LRP1B: variants seen among roughly 807,000 people sequenced by gnomAD.
The protein encoded by LRP1B is LDL receptor related protein 1B.
LRP1B carries 217 observed loss-of-function variants against 556.6 expected under a neutral mutation model. The ratio of observed to expected loss-of-function variants is 0.39; its 90% CI spans 0.35 to 0.44. The LOEUF (loss-of-function observed/expected upper bound fraction) is 0.44. Ranked by LOEUF, LRP1B falls within the 20% of genes least tolerant of loss-of-function variation. LRP1B has a pLI of 1.00. For synonymous variants in LRP1B, 2,047 were observed against 1,865.8 expected (o/e 1.10, Z -2.50); for missense variants, 5,053 against 5,620.8 (o/e 0.90, Z 3.23).
At chr2:141,906,206 T>G (rs1321563136) in intron 1 of LRP1B, among the ~76,000 whole-genome samples, 1 of 151,824 alleles carries the variant, frequency 6.6e-6, no homozygotes, top group African/African-American at 2.4e-5. Flanking sequence ...TAAAATAATT[T>G]TTTTAAAAAG....
chr2:140,361,858 T>C (rs181299068), intron 72 of LRP1B, among the ~76,000 whole-genome samples: 51 of 151,736 alleles, frequency 3.4e-4, no homozygotes, highest in African/African-American at 1.2e-3. Context: ...GATTCAAGCA[T>C]CTAATGCCTA....
At chr2:141,771,565 T>C (rs901529733) in intron 2 of LRP1B, among the ~76,000 whole-genome samples, 1 of 152,224 alleles carries the variant, frequency 6.6e-6, no homozygotes, top group African/African-American at 2.4e-5. Context: ...TTGTTTACTT[T>C]AGAAGGAGGT....
In LRP1B at chr2:141,818,857, T is replaced by C. The variant is rs113603029; in HGVS notation, c.83-8456A>G. Among the ~76,000 whole-genome samples, 1,021 of 151,848 alleles carry C rather than the reference T, an allele frequency of 6.7e-3. 10 individuals are homozygous for C. Among genetic ancestry groups the C allele is most frequent in the Non-Finnish European group, 9.5e-3 (647 of 67,924 alleles). The stretch of plus-strand genomic sequence containing the variant: ...GGATAACATTTCTGTATCTTTACTG[T>C]TATATTCCTTTGCTTGGGATGCCCT... On this transcript the variant is annotated intron_variant, in intron 1 of 90. Transcript: ENST00000389484.
At chr2:141,704,991 CT>C (rs1053444805) in intron 2 of LRP1B, among the ~76,000 whole-genome samples, 1 of 151,958 alleles carries the variant, frequency 6.6e-6, no homozygotes, top group Non-Finnish European at 1.5e-5. Flanking sequence ...AAGGTTAATA[CT>C]TTTTTTGAGA....
At chr2:140,261,980 T>C (rs1681963181) in intron 86 of LRP1B, among the ~76,000 whole-genome samples, 1 of 152,070 alleles carries the variant, frequency 6.6e-6, no homozygotes. Context: ...ATACTTTATA[T>C]TATTCTCTGT....
intron 2 of LRP1B, among the ~76,000 whole-genome samples, chr2:141,608,317 A>T (rs977558233): frequency 4.6e-5 from 7 of 152,244 alleles, no homozygotes; most frequent in Non-Finnish European, 1.0e-4. Context: ...AAGCATTTCA[A>T]AAACTAGAGC....
chr2:140,491,961 G>A (rs550341140), intron 57 of LRP1B, among the ~76,000 whole-genome samples: 9 of 152,130 alleles, frequency 5.9e-5, no homozygotes, highest in East Asian at 1.9e-4. Context: ...TGGAGAGCAG[G>A]GCTCTCTATC....
At chr2:142,123,276 T>C (rs1051817145) in intron 1 of LRP1B, among the ~76,000 whole-genome samples, 6 of 152,024 alleles carry the variant, frequency 3.9e-5, no homozygotes, top group African/African-American at 1.4e-4. Flanking sequence ...TGACAAATCG[T>C]CATTAAAGAA....
chr2:141,475,207 T>C (rs1472978917), intron 3 of LRP1B, among the ~76,000 whole-genome samples: 7 of 152,012 alleles, frequency 4.6e-5, no homozygotes, highest in African/African-American at 1.5e-4. Flanking sequence ...ACCCCCTCTA[T>C]ACTAAAAATA....
intron 2 of LRP1B, among the ~76,000 whole-genome samples, chr2:141,789,944 A>G (rs2105659233): frequency 6.6e-6 from 1 of 152,082 alleles, no homozygotes; most frequent in Admixed American, 6.6e-5. Context: ...ATGTTACATT[A>G]TAGCTTCAAG....
At chr2:141,984,913 T>A (rs1305206331) in intron 1 of LRP1B, among the ~76,000 whole-genome samples, 1 of 152,194 alleles carries the variant, frequency 6.6e-6, no homozygotes, top group East Asian at 1.9e-4. Context: ...TACTAAAGCA[T>A]CTTACTTGAT....
chr2:141,703,153 C>T (rs1553450781), intron 2 of LRP1B, among the ~76,000 whole-genome samples: 1 of 151,870 alleles, frequency 6.6e-6, no homozygotes, highest in East Asian at 1.9e-4. Context: ...GTCATTTTTG[C>T]ATTCATGGTT....
rs1220015913 is a variant in LRP1B at position 141,669,473 on chromosome 2, A to T, written c.205+140806T>A. On this transcript the variant is annotated intron_variant, in intron 2 of 90. Coordinates refer to ENST00000389484, the MANE Select transcript of LRP1B (RefSeq NM_018557.3). ...AAAACTCATGCACTGCAAGTCCCAG[A>T]TCAAAACCTTCCTCTGGGAAGCCTG... Among the ~76,000 whole-genome samples the T allele has an allele frequency of 2.6e-5, 4 of 152,034 alleles. No individual in the cohort carries two copies. The East Asian group carries it at 7.8e-4, about 29-fold the overall frequency.
At position 141,341,459 on chromosome 2, in the gene LRP1B, C is replaced by G. The variant is rs13416658; in HGVS notation, c.344-86818G>C. On this transcript the variant is annotated intron_variant, in intron 3 of 90. Coordinates refer to ENST00000389484, the MANE Select transcript of LRP1B (RefSeq NM_018557.3). The stretch of plus-strand genomic sequence containing the variant: ...GCTTAGATCTAAATGTCTTCTCTCC[C>G]TCTTTCCCTCCCTCTCTCTATGATG... Among the ~76,000 whole-genome samples, 3 of 152,200 alleles carry G rather than the reference C, an allele frequency of 2.0e-5. 1 individual carries two copies. Among genetic ancestry groups the G allele is most frequent in the African/African-American group, 7.2e-5 (3 of 41,540 alleles).
At chr2:140,452,279 AT>A (rs1241340799) in intron 62 of LRP1B, among the ~76,000 whole-genome samples, 1 of 152,154 alleles carries the variant, frequency 6.6e-6, no homozygotes, top group Non-Finnish European at 1.5e-5. Context: ...CCGTAAACTA[AT>A]TATTTTCTCA....
intron 29 of LRP1B, among the ~76,000 whole-genome samples, chr2:140,843,602 C>T (rs1047162348): frequency 6.6e-6 from 1 of 152,150 alleles, no homozygotes. Context: ...GATCTTTCCA[C>T]ACTATAGGGA....
chr2:140,930,768 T>A (rs1695024114), intron 20 of LRP1B, among the ~76,000 whole-genome samples: 3 of 152,108 alleles, frequency 2.0e-5, no homozygotes, highest in Admixed American at 2.0e-4. Flanking sequence ...ATAATCACCA[T>A]GTGTCAGTCC....
chr2:140,697,076 TG>T (rs1489283848), intron 41 of LRP1B, among the ~76,000 whole-genome samples: 1 of 152,166 alleles, frequency 6.6e-6, no homozygotes, highest in Non-Finnish European at 1.5e-5. Flanking sequence ...ATTTGAACCC[TG>T]GGCTCGACCG....
Position 141,465,156 on chromosome 2 carries a change from G to A in LRP1B, c.343+15240C>T, listed in dbSNP as rs6760026. ...AAACACAGTTAAAATCAATGTTAAA[G>A]TAGGGTTGGCTGACCAGAAATGTGA... On this transcript the variant is annotated intron_variant, in intron 3 of 90. Transcript: ENST00000389484. 2.3e-3 allele frequency among the ~76,000 whole-genome samples: 356 copies of A among 151,832 alleles called. 2 individuals are homozygous for A. Among genetic ancestry groups the A allele is most frequent in the African/African-American group, 8.4e-3 (345 of 41,136 alleles).
Sources: gnomAD v4.1 joint callset for allele counts (sites outside exome capture counted in the v4.1 genomes callset) on GRCh38, gnomAD v4.1.1 for gene constraint, MANE v1.5 for transcripts, NCBI Gene and HGNC (gene_info 2026-07-23, HGNC 2026-07-21) for gene names.